The following EIF3F variants were observed in gnomAD, a reference collection of about 807,000 sequenced individuals.
The protein encoded by EIF3F is deubiquitinating enzyme eIF3f.
A neutral mutation model predicts 36.0 loss-of-function variants in EIF3F; 8 were observed. That is an observed-to-expected ratio of 0.22 (90% confidence interval 0.13 to 0.40). The LOEUF is 0.40. Ranked by LOEUF, EIF3F falls within the 10% of genes least tolerant of loss-of-function variation. The pLI is 1.00. For synonymous variants in EIF3F, 184 were observed against 188.5 expected (o/e 0.98, Z 0.19); for missense variants, 430 against 467.6 (o/e 0.92, Z 0.74).
Position 8,000,036 on chromosome 11 carries a change from T to C in EIF3F, c.*4014T>C, listed in dbSNP as rs924950173. ...CTGGCCAACATGATGAAACCCCGTC[T>C]CTACAAAAGATACAAAAATTAGCCA... On this transcript the variant is annotated 3_prime_UTR_variant, in exon 8 of 8. Transcript: ENST00000651655. The C allele has an allele frequency of 2.6e-5, 4 of 151,814 alleles. No individual in the cohort carries two copies. Among genetic ancestry groups the C allele is most frequent in the African/African-American group, 9.7e-5 (4 of 41,320 alleles). The allele number at this position is 151,814 out of a possible 1,614,324, so 9.4% of individuals were successfully genotyped here. A position where few individuals can be genotyped will look rare whatever the true frequency, so the allele number is the denominator to read the frequency against.
At chr11:7,993,260 A>G (rs1942118900) in intron 4 of EIF3F, among the ~76,000 whole-genome samples, 1 of 152,204 alleles carries the variant, frequency 6.6e-6, no homozygotes, top group South Asian at 2.1e-4. Context: ...TAAGTATTTG[A>G]GCAAGCTGTC....
intron 1 of EIF3F, among the ~76,000 whole-genome samples, chr11:7,989,131 G>A (rs747599530): frequency 1.4e-4 from 21 of 152,080 alleles, no homozygotes; most frequent in African/African-American, 3.9e-4. Context: ...TCCCATACCC[G>A]GACCCTCACT....
In EIF3F at chr11:7,997,838, A is replaced by T. The variant is rs990401706; in HGVS notation, c.*1816A>T. 3.3e-5 allele frequency: 5 copies of T among 152,192 alleles called. No individual in the cohort carries two copies. Among genetic ancestry groups the T allele is most frequent in the African/African-American group, 1.2e-4 (5 of 41,440 alleles). The allele number at this position is 152,192 out of a possible 1,614,324, so 9.4% of individuals were successfully genotyped here. A position where few individuals can be genotyped will look rare whatever the true frequency, so the allele number is the denominator to read the frequency against. ...ACAGGTTGAAAATATTGAGGGGGAA[A>T]ATTGTGTCTGGACTAAACCTGTACA... On this transcript the variant is annotated 3_prime_UTR_variant, in exon 8 of 8. Coordinates refer to ENST00000651655, the MANE Select transcript of EIF3F (RefSeq NM_003754.3).
At chr11:7,988,975 T>G (rs982335450) in intron 1 of EIF3F, among the ~76,000 whole-genome samples, 3 of 152,220 alleles carry the variant, frequency 2.0e-5, no homozygotes, top group African/African-American at 7.2e-5. Context: ...AAACTTAAAT[T>G]CATATCTTCT....
Position 7,999,588 on chromosome 11 carries a change from T to C in EIF3F, c.*3566T>C, listed in dbSNP as rs1942196682. The C allele has an allele frequency of 6.6e-6, 1 of 151,286 alleles. No homozygotes were observed. Among genetic ancestry groups the C allele is most frequent in the Non-Finnish European group, 1.5e-5 (1 of 68,036 alleles). The allele number at this position is 151,286 out of a possible 1,614,324, so 9.4% of individuals were successfully genotyped here. On this transcript the variant is annotated 3_prime_UTR_variant, in exon 8 of 8. Transcript: ENST00000651655. Reference sequence around the variant, plus strand: ...TAGCCCTTCCAGATATAAAATATATTATAGAACTGTGTAATTAAAGCAATA... The same window carrying C: ...TAGCCCTTCCAGATATAAAATATATCATAGAACTGTGTAATTAAAGCAATA...
At chr11:7,994,612 T>C in intron 5 of EIF3F, 95 bp downstream of exon 5, 1 of 1,162,154 alleles carries the variant, frequency 8.6e-7, no homozygotes, top group Non-Finnish European at 1.2e-6. Context: ...TTGGGTGGTT[T>C]GAAAAGGGAC....
Position 7,999,445 on chromosome 11 carries a change from C to G in EIF3F, c.*3423C>G, listed in dbSNP as rs1942195673. 1.3e-5 allele frequency: 2 copies of G among 152,156 alleles called. No homozygotes were observed. Among genetic ancestry groups the G allele is most frequent in the Admixed American group, 1.3e-4 (2 of 15,274 alleles). The allele number at this position is 152,156 out of a possible 1,614,324, so 9.4% of individuals were successfully genotyped here. ...ACAGGTGTTAATTTTCCCTGTTAAA[C>G]TACATATTTGTCATAATTACAATAA... On this transcript the variant is annotated 3_prime_UTR_variant, in exon 8 of 8. Transcript: ENST00000651655.
At chr11:7,995,797 C>A in intron 7 of EIF3F, 148 bp from the exon 8 acceptor site, 2 of 715,438 alleles carry the variant, frequency 2.8e-6, no homozygotes, top group South Asian at 3.3e-5. Flanking sequence ...CTGTCTTCTA[C>A]CTTTTTGACT....
At chr11:7,994,848 C>G (rs980721399) in intron 5 of EIF3F, 134 bp from the exon 6 acceptor site, 11 of 1,295,778 alleles carry the variant, frequency 8.5e-6, no homozygotes, top group Non-Finnish European at 1.2e-5. Flanking sequence ...TGTGACTGAG[C>G]AGACTGAGTC....
Position 7,997,400 on chromosome 11 carries a change from A to C in EIF3F, c.*1378A>C, listed in dbSNP as rs1457730155. The C allele has an allele frequency of 6.6e-6, 1 of 152,166 alleles. No individual in the cohort carries two copies. The highest frequency in any genetic ancestry group is 1.5e-5 in the Non-Finnish European group (1 of 68,014). 9.4% of individuals were successfully genotyped at this position (152,166 alleles called of 1,614,324 possible). ...TTGCTAGAAGTATATATAATCTCTCAATGAATAGTGATGAGAGATGGTGGG... is the reference window on the plus strand; with the variant it reads ...TTGCTAGAAGTATATATAATCTCTCCATGAATAGTGATGAGAGATGGTGGG... On this transcript the variant is annotated 3_prime_UTR_variant, in exon 8 of 8. Coordinates refer to ENST00000651655, the MANE Select transcript of EIF3F (RefSeq NM_003754.3).
chr11:7,991,868 G>A lies in EIF3F; in HGVS notation c.435+17G>A. On this transcript the variant is annotated intron_variant, in intron 2 of 7. Transcript: ENST00000651655. ...GAAGATGAAGTGAGTGGGAATCCAA[G>A]CTGTCCCTCTGCAGTTTTTAGCTGT... The A allele has an allele frequency of 6.2e-7, 1 of 1,614,096 alleles. No individual in the cohort carries two copies. Among genetic ancestry groups the A allele is most frequent in the Non-Finnish European group, 8.5e-7 (1 of 1,179,972 alleles).
intron 1 of EIF3F, 200 bp downstream of exon 1, chr11:7,987,916 G>C (rs1942047513): frequency 1.4e-6 from 1 of 739,850 alleles, no homozygotes; most frequent in Non-Finnish European, 1.9e-6. Context: ...TCTCTCTCCT[G>C]CCGGATTGCT....
In EIF3F at chr11:7,996,667, T is replaced by C. The variant is rs906982946; in HGVS notation, c.*645T>C. On this transcript the variant is annotated 3_prime_UTR_variant, in exon 8 of 8. Coordinates refer to ENST00000651655, the MANE Select transcript of EIF3F (RefSeq NM_003754.3). ...CAATTTAAGCAAAGACTAGATGGCATTTCCCAGAGGCCTTGTAGGCTAGAG... is the reference window on the plus strand; with the variant it reads ...CAATTTAAGCAAAGACTAGATGGCACTTCCCAGAGGCCTTGTAGGCTAGAG... 2 of 152,262 alleles carry C rather than the reference T, an allele frequency of 1.3e-5. No homozygotes were observed. Among genetic ancestry groups the C allele is most frequent in the Admixed American group, 6.5e-5 (1 of 15,282 alleles). 9.4% of individuals were successfully genotyped at this position (152,262 alleles called of 1,614,324 possible).
chr11:7,991,882 G>C (rs752237803), intron 2 of EIF3F, 31 bp downstream of exon 2: 1 of 1,613,022 alleles, frequency 6.2e-7, no homozygotes, highest in Non-Finnish European at 8.5e-7. Context: ...TCCCTCTGCA[G>C]TTTTTAGCTG....
Position 7,991,867 on chromosome 11 carries a change from A to G in EIF3F, c.435+16A>G, listed in dbSNP as rs764021694. 1.2e-6 allele frequency: 2 copies of G among 1,614,112 alleles called. No individual in the cohort carries two copies. The highest frequency in any genetic ancestry group is 2.2e-5 in the East Asian group (1 of 44,878). ...AGAAGATGAAGTGAGTGGGAATCCAAGCTGTCCCTCTGCAGTTTTTAGCTG... is the reference window on the plus strand; with the variant it reads ...AGAAGATGAAGTGAGTGGGAATCCAGGCTGTCCCTCTGCAGTTTTTAGCTG... On this transcript the variant is annotated intron_variant, in intron 2 of 7. Transcript: ENST00000651655.
intron 1 of EIF3F, among the ~76,000 whole-genome samples, chr11:7,988,997 G>T (rs1052488580): frequency 2.0e-5 from 3 of 152,188 alleles, no homozygotes; most frequent in African/African-American, 7.2e-5. Flanking sequence ...AACATTGCTT[G>T]TCTTTTCTCA....
intron 4 of EIF3F, 129 bp from the exon 5 acceptor site, chr11:7,994,297 C>T: frequency 2.7e-6 from 2 of 747,262 alleles, no homozygotes; most frequent in Non-Finnish European, 2.2e-6. Flanking sequence ...CTCTGGGGTT[C>T]ATTTGGTCCC....
rs763177140 is a variant in EIF3F, at chr11:7,987,359, A to T, written c.7A>T (p.Thr3Ser). 6.3e-7 allele frequency: 1 copy of T among 1,593,100 alleles called. No individual in the cohort carries two copies. Among genetic ancestry groups the T allele is most frequent in the Non-Finnish European group, 8.5e-7 (1 of 1,176,286 alleles). MA[T>S]PAVPVSAPPA... ...CTCCTTCTTTCTCGACAAGATGGCC[A>T]CACCGGCGGTACCAGTAAGTGCTCC... Residue 3 changes from threonine to serine, a missense_variant, in exon 1 of 8, where the codon ACA (threonine) becomes TCA (serine). Around this residue, in one of 2 missense-constraint regions of EIF3F, gnomAD observed 168 missense variants for 120.2 expected, o/e 1.40. Coordinates refer to ENST00000651655, the MANE Select transcript of EIF3F (RefSeq NM_003754.3).
intron 5 of EIF3F, 148 bp downstream of exon 5, chr11:7,994,665 CTT>C (rs1349406498): frequency 1.3e-6 from 1 of 770,032 alleles, no homozygotes; most frequent in African/African-American, 1.8e-5. Flanking sequence ...ACAGTCATCT[CTT>C]GTATAAATGG....
Sources: allele counts gnomAD v4.1 joint callset (sites outside exome capture counted in the v4.1 genomes callset), GRCh38; gene constraint gnomAD v4.1.1; regional missense constraint gnomAD v4.1.1; transcripts MANE v1.5; gene names NCBI Gene and HGNC (gene_info 2026-07-23, HGNC 2026-07-21).